Variants in SMIM26 observed in about 807,000 individuals in gnomAD.
The protein encoded by SMIM26 is small integral membrane protein 26.
A neutral mutation model predicts 2.5 loss-of-function variants in SMIM26; 2 were observed. That is an observed-to-expected ratio of 0.80 (90% CI 0.33 to 2.53). SMIM26 has a LOEUF of 2.53. Among genes scored for constraint, SMIM26 ranks in the 30% most tolerant of loss-of-function variants. The pLI is 0.11. For missense variants in SMIM26, 77 were observed against 46.1 expected, an observed-to-expected ratio of 1.67 and a Z score of -1.94; for synonymous variants, 32 against 17.8, an observed-to-expected ratio of 1.80 and a Z score of -2.01.
intron 1 of SMIM26, 26 bp from the exon 2 acceptor site, chr20:18,569,210 T>A (rs1422021858): frequency 1.5e-6 from 1 of 646,306 alleles, no homozygotes; most frequent in South Asian, 1.7e-5. Flanking sequence ...TGTTCTTTTT[T>A]TTTTTTTCTC....
At chr20:18,567,781 A>G (rs6075366) in intron 1 of SMIM26, among the ~76,000 whole-genome samples, 185 bp downstream of exon 1, 55,329 of 152,188 alleles carry the variant, frequency 0.36, 10,712 homozygotes, top group South Asian at 0.45. Flanking sequence ...GGAATTATTA[A>G]TACCTTGTAA....
chr20:18,569,214 T>G (rs1166782562), intron 1 of SMIM26, 22 bp from the exon 2 acceptor site: 4 of 646,878 alleles, frequency 6.2e-6, no homozygotes, highest in Non-Finnish European at 1.1e-5. Context: ...CTTTTTTTTT[T>G]TTTCTCTTAA....
intron 1 of SMIM26, among the ~76,000 whole-genome samples, 153 bp downstream of exon 1, chr20:18,567,749 A>G (rs1296525157): frequency 6.6e-6 from 1 of 152,258 alleles, no homozygotes; most frequent in Non-Finnish European, 1.5e-5. Context: ...TTATAATGGA[A>G]TCTGCAAAGA....
downstream of SMIM26, chr20:18,569,568 C>A: frequency 1.9e-6 from 1 of 524,016 alleles, no homozygotes; most frequent in Non-Finnish European, 3.3e-6. Flanking sequence ...AAACTATCTG[C>A]GTTTTCTTTT....
Position 18,569,367 on chromosome 20 carries a change from T to G in SMIM26, c.250T>G (p.Trp84Gly), listed in dbSNP as rs1213971555. 1 of 702,792 alleles carries G rather than the reference T, an allele frequency of 1.4e-6. No individual in the cohort carries two copies. Among genetic ancestry groups the G allele is most frequent in the African/African-American group, 1.7e-5 (1 of 57,224 alleles). The allele number at this position is 702,792 out of a possible 1,614,324, so 43.5% of individuals were successfully genotyped here. Residue 84 changes from tryptophan (W) to glycine (G), a missense_variant, in exon 2 of 2, where the codon TGG becomes GGG. Coordinates refer to ENST00000411646, the MANE Select transcript of SMIM26 (RefSeq NM_001348957.2). ...AAATACAGAAAAGATCCTCAACTAT[T>G]GGAAATCATGGACTGGTGGCCCTGG... ...VPNTEKILNY[W>G]KSWTGGPGTE...
At chr20:18,567,677 T>C (rs113707996) in intron 1 of SMIM26, 81 bp downstream of exon 1, 1 of 531,474 alleles carries the variant, frequency 1.9e-6, no homozygotes. Flanking sequence ...ACAACTTCCC[T>C]GTCCTTTAAA....
At position 18,569,493 on chromosome 20, in the gene SMIM26, G is replaced by A; in HGVS notation, c.*88G>A. On this transcript the variant is annotated 3_prime_UTR_variant, in exon 2 of 2. Coordinates refer to ENST00000411646, the MANE Select transcript of SMIM26 (RefSeq NM_001348957.2). ...TTCCCATTTTGGGTTTGTGAAAAGT[G>A]TATGTATTTAAATTTGCTGTAAAAC... 2.9e-6 allele frequency: 2 copies of A among 687,844 alleles called. No homozygotes were observed. Among genetic ancestry groups the A allele is most frequent in the Non-Finnish European group, 2.7e-6 (1 of 376,844 alleles). The allele number at this position is 687,844 out of a possible 1,614,324, so 42.6% of individuals were successfully genotyped here.
chr20:18,567,696 T>G, intron 1 of SMIM26, 100 bp downstream of exon 1: 1 of 677,470 alleles, frequency 1.5e-6, no homozygotes. Context: ...AATCCCAGGT[T>G]TATTCTGCAA....
chr20:18,568,656 C>T (rs6132080), intron 1 of SMIM26: 102,236 of 150,546 alleles, frequency 0.68, 36,312 homozygotes, highest in Non-Finnish European at 0.8. Flanking sequence ...GTCGCCCAGG[C>T]TTGAGTGCAG....
chr20:18,568,356 A>G (rs762861919), intron 1 of SMIM26, among the ~76,000 whole-genome samples: 5 of 152,130 alleles, frequency 3.3e-5, no homozygotes, highest in Admixed American at 3.3e-4. Flanking sequence ...ATTTAAAAAC[A>G]TTTTGGCCGG....
In SMIM26 at chr20:18,569,222, TAATGG is replaced by T; in HGVS notation, c.119-13_119-9del. The T allele has an allele frequency of 3.0e-6, 2 of 666,764 alleles. No homozygotes were observed. Among genetic ancestry groups the T allele is most frequent in the Non-Finnish European group, 2.7e-6 (1 of 372,176 alleles). 41.3% of individuals were successfully genotyped at this position (666,764 alleles called of 1,614,324 possible). ...AGGTGTTCTTTTTTTTTTTTTCTCTTAATGGTGATAAAGTAGACCAAAAGGATGGC... is the reference window on the plus strand; with the variant it reads ...AGGTGTTCTTTTTTTTTTTTTCTCTTTGATAAAGTAGACCAAAAGGATGGC... On this transcript the variant is annotated splice_polypyrimidine_tract_variant and intron_variant, in intron 1 of 1. Transcript: ENST00000411646.
chr20:18,569,545 A>G lies in SMIM26; in HGVS notation c.*140A>G. 1 of 563,656 alleles carries G rather than the reference A, an allele frequency of 1.8e-6. No homozygotes were observed. The highest frequency in any genetic ancestry group is 3.2e-5 in the East Asian group (1 of 31,482). 34.9% of individuals were successfully genotyped at this position (563,656 alleles called of 1,614,324 possible). A position where few individuals can be genotyped will look rare whatever the true frequency, so the allele number is the denominator to read the frequency against. On this transcript the variant is annotated 3_prime_UTR_variant, in exon 2 of 2. Transcript: ENST00000411646. ...TAATCACTAATAATATGCAATAAAT[A>G]TTTTCTTGAAGGAAACTATCTGCGT...
intron 1 of SMIM26, 51 bp downstream of exon 1, chr20:18,567,647 G>A (rs1003859963): frequency 1.5e-6 from 1 of 677,824 alleles, no homozygotes; most frequent in Admixed American, 2.1e-5. Flanking sequence ...TTCGATGAGA[G>A]TTCCCCGGGG....
chr20:18,569,336 T>C lies in SMIM26; in HGVS notation c.219T>C (p.Phe73=), dbSNP rs1467205054. The change falls in exon 2 of 2, where the codon TTT becomes TTC. Residue 73 remains phenylalanine, a synonymous_variant. Transcript: ENST00000411646. ...CAGTTGTCACATATAAAGAAGATTT[T>C]GTTCCAAATACAGAAAAGATCCTCA... ...VETVVTYKED[F]VPNTEKILNY... 1 of 702,928 alleles carries C rather than the reference T, an allele frequency of 1.4e-6. No individual in the cohort carries two copies. Among genetic ancestry groups the C allele is most frequent in the East Asian group, 2.7e-5 (1 of 37,282 alleles). The allele number at this position is 702,928 out of a possible 1,614,324, so 43.5% of individuals were successfully genotyped here. A position where few individuals can be genotyped will look rare whatever the true frequency, so the allele number is the denominator to read the frequency against.
Position 18,569,387 on chromosome 20 carries a change from C to G in SMIM26, c.270C>G (p.Gly90=). 1.4e-6 allele frequency: 1 copy of G among 702,758 alleles called. No individual in the cohort carries two copies. The allele number at this position is 702,758 out of a possible 1,614,324, so 43.5% of individuals were successfully genotyped here. The change falls in exon 2 of 2, where the codon GGC becomes GGG. Residue 90 remains glycine, a synonymous_variant. Transcript: ENST00000411646. ...ACTATTGGAAATCATGGACTGGTGG[C>G]CCTGGTACAGAACCATGACTGGCTG... ...ILNYWKSWTG[G]PGTEP is the part of the protein sequence containing the mutation.
Position 18,569,395 on chromosome 20 carries a change from C to T in SMIM26, c.278C>T (p.Thr93Ile), listed in dbSNP as rs757306234. 3 of 702,870 alleles carry T rather than the reference C, an allele frequency of 4.3e-6. No homozygotes were observed. In the South Asian group the frequency reaches 4.4e-5, roughly 10 times the overall value. The allele number at this position is 702,870 out of a possible 1,614,324, so 43.5% of individuals were successfully genotyped here. ...YWKSWTGGPG[T>I]EP is the part of the protein sequence containing the mutation. Reference sequence around the variant, plus strand: ...AAATCATGGACTGGTGGCCCTGGTACAGAACCATGACTGGCTGCTGAATTC... The same window carrying T: ...AAATCATGGACTGGTGGCCCTGGTATAGAACCATGACTGGCTGCTGAATTC... The change falls in exon 2 of 2, where the codon ACA becomes ATA. Residue 93 changes from threonine (T) to isoleucine (I), a missense_variant. Thr to Ile is a moderately conservative substitution (Grantham distance 89). Coordinates refer to ENST00000411646, the MANE Select transcript of SMIM26 (RefSeq NM_001348957.2).
chr20:18,569,574 CTTTT>C (rs71194252), downstream of SMIM26: 2,428 of 380,230 alleles, frequency 6.4e-3, no homozygotes, highest in Middle Eastern at 9.9e-3. Flanking sequence ...TCTGCGTTTT[CTTTT>C]TTTTTTTTTT....
At position 18,569,296 on chromosome 20, in the gene SMIM26, G is replaced by A; in HGVS notation, c.179G>A (p.Gly60Glu). ...VPSELSERPKGFYVETVVTYK... is the reference protein window; with the variant it reads ...VPSELSERPKEFYVETVVTYK... Reference sequence around the variant, plus strand: ...AGTGAACTCTCTGAACGCCCAAAAGGATTTTATGTGGAAACAGTTGTCACA... The same window carrying A: ...AGTGAACTCTCTGAACGCCCAAAAGAATTTTATGTGGAAACAGTTGTCACA... The change falls in exon 2 of 2, where the codon GGA becomes GAA. Residue 60 changes from glycine to glutamate, a missense_variant. Physicochemically the swap from Gly to Glu is moderately conservative, Grantham distance 98 (BLOSUM62 -2). Transcript: ENST00000411646. 1 of 702,634 alleles carries A rather than the reference G, an allele frequency of 1.4e-6. No individual in the cohort carries two copies. Among genetic ancestry groups the A allele is most frequent in the Non-Finnish European group, 2.6e-6 (1 of 384,964 alleles). 43.5% of individuals were successfully genotyped at this position (702,634 alleles called of 1,614,324 possible).
rs2060524760 is a variant in SMIM26 at position 18,569,490 on chromosome 20, AGT to A, written c.*88_*89del. On this transcript the variant is annotated 3_prime_UTR_variant, in exon 2 of 2. Coordinates refer to ENST00000411646, the MANE Select transcript of SMIM26 (RefSeq NM_001348957.2). Reference sequence around the variant, plus strand: ...TGATTCCCATTTTGGGTTTGTGAAAAGTGTATGTATTTAAATTTGCTGTAAAA... The same window carrying A: ...TGATTCCCATTTTGGGTTTGTGAAAAGTATGTATTTAAATTTGCTGTAAAA... The A allele has an allele frequency of 2.9e-6, 2 of 700,014 alleles. No individual in the cohort carries two copies. 43.4% of individuals were successfully genotyped at this position (700,014 alleles called of 1,614,324 possible). A position where few individuals can be genotyped will look rare whatever the true frequency, so the allele number is the denominator to read the frequency against.
Sources: gnomAD v4.1 joint callset for allele counts (sites outside exome capture counted in the v4.1 genomes callset) on GRCh38, gnomAD v4.1.1 for gene constraint, MANE v1.5 for transcripts, NCBI Gene and HGNC (gene_info 2026-07-23, HGNC 2026-07-21) for gene names.